Variants in KRTAP4-2 observed in about 807,000 individuals in gnomAD.
KRTAP4-2 encodes keratin-associated protein 4-2.
For synonymous variants in KRTAP4-2, 56 were observed against 63.5 expected (o/e 0.88, Z 0.56); for missense variants, 178 against 177.3 (o/e 1.00, Z -0.02).
rs1307746080 is a variant in KRTAP4-2 at position 41,177,624 on chromosome 17, T to A, written c.*130A>T. ...GCAACATAGTGTTTGGTGAGCATATTTGGAGGCCAAACTCAATCCAAGAAT... is the reference window on the plus strand; with the variant it reads ...GCAACATAGTGTTTGGTGAGCATATATGGAGGCCAAACTCAATCCAAGAAT... On this transcript the variant is annotated 3_prime_UTR_variant, in exon 1 of 1. Transcript: ENST00000377726. The A allele has an allele frequency of 3.6e-5, 51 of 1,426,890 alleles. No individual in the cohort carries two copies. The highest frequency in any genetic ancestry group is 4.5e-5 in the Non-Finnish European group (47 of 1,048,322). The allele number at this position is 1,426,890 out of a possible 1,614,324, so 88.4% of individuals were successfully genotyped here. A position where few individuals can be genotyped will look rare whatever the true frequency, so the allele number is the denominator to read the frequency against.
rs1350515689 is a variant in KRTAP4-2 at position 41,177,873 on chromosome 17, GCTGGCAGTACACAGA to G, written c.277_291del (p.Ser93_Gln97del). 6.3e-7 allele frequency: 1 copy of G among 1,575,870 alleles called. No homozygotes were observed. Among genetic ancestry groups the G allele is most frequent in the Non-Finnish European group, 8.6e-7 (1 of 1,159,418 alleles). On this transcript the variant is annotated inframe_deletion, in exon 1 of 1. Coordinates refer to ENST00000377726, the MANE Select transcript of KRTAP4-2 (RefSeq NM_033062.4). ...CCACAGCTGGGGCGGCAGCAGGTGGGCTGGCAGTACACAGACTGGCAGCACTGGGGTCTGAAGCAG... is the reference window on the plus strand; with the variant it reads ...CCACAGCTGGGGCGGCAGCAGGTGGGCTGGCAGCACTGGGGTCTGAAGCAG...
Position 41,177,499 on chromosome 17 carries a change from T to G in KRTAP4-2, c.*255A>C, listed in dbSNP as rs927202155. 4 of 584,348 alleles carry G rather than the reference T, an allele frequency of 6.8e-6. No individual in the cohort carries two copies. Among genetic ancestry groups the G allele is most frequent in the Non-Finnish European group, 8.8e-6 (3 of 340,542 alleles). The allele number at this position is 584,348 out of a possible 1,614,324, so 36.2% of individuals were successfully genotyped here. A position where few individuals can be genotyped will look rare whatever the true frequency, so the allele number is the denominator to read the frequency against. ...TATTTAAGATAGAGGAATAGCTCCA[T>G]GTGATAAATTATGGTAGAGAGCAAA... is the stretch of plus-strand genomic sequence containing the variant. On this transcript the variant is annotated 3_prime_UTR_variant, in exon 1 of 1. Transcript: ENST00000377726.
In KRTAP4-2 at chr17:41,177,626, G is replaced by T; in HGVS notation, c.*128C>A. 2 of 1,432,558 alleles carry T rather than the reference G, an allele frequency of 1.4e-6. No individual in the cohort carries two copies. The highest frequency in any genetic ancestry group is 1.9e-6 in the Non-Finnish European group (2 of 1,053,280). 88.7% of individuals were successfully genotyped at this position (1,432,558 alleles called of 1,614,324 possible). A position where few individuals can be genotyped will look rare whatever the true frequency, so the allele number is the denominator to read the frequency against. On this transcript the variant is annotated 3_prime_UTR_variant, in exon 1 of 1. Coordinates refer to ENST00000377726, the MANE Select transcript of KRTAP4-2 (RefSeq NM_033062.4). ...AACATAGTGTTTGGTGAGCATATTT[G>T]GAGGCCAAACTCAATCCAAGAATTG... is the stretch of plus-strand genomic sequence containing the variant.
chr17:41,177,640 A>C lies in KRTAP4-2; in HGVS notation c.*114T>G. 6.6e-7 allele frequency: 1 copy of C among 1,504,500 alleles called. No individual in the cohort carries two copies. Among genetic ancestry groups the C allele is most frequent in the Non-Finnish European group, 9.0e-7 (1 of 1,113,960 alleles). The allele number at this position is 1,504,500 out of a possible 1,614,324, so 93.2% of individuals were successfully genotyped here. On this transcript the variant is annotated 3_prime_UTR_variant, in exon 1 of 1. Coordinates refer to ENST00000377726, the MANE Select transcript of KRTAP4-2 (RefSeq NM_033062.4). ...TGAGCATATTTGGAGGCCAAACTCAATCCAAGAATTGGTTGGAACTGAGGT... is the reference window on the plus strand; with the variant it reads ...TGAGCATATTTGGAGGCCAAACTCACTCCAAGAATTGGTTGGAACTGAGGT...
chr17:41,178,023 G>A lies in KRTAP4-2; in HGVS notation c.142C>T (p.Pro48Ser). 2 of 1,605,980 alleles carry A rather than the reference G, an allele frequency of 1.2e-6. No individual in the cohort carries two copies. Among genetic ancestry groups the A allele is most frequent in the Non-Finnish European group, 1.7e-6 (2 of 1,174,018 alleles). The change falls in exon 1 of 1, where the codon CCG (proline) becomes TCG (serine). Residue 48 changes from proline to serine, a missense_variant. By Grantham distance (74) the Pro-to-Ser change is moderately conservative (BLOSUM62 -1). Coordinates refer to ENST00000377726, the MANE Select transcript of KRTAP4-2 (RefSeq NM_033062.4). ...CAGCACACAGACTGGCAGCACTGCG[G>A]TCTGCAGCAGCTGGACACACAGCAG... ...PSCCVSSCCR[P>S]QCCQSVCCQP...
In KRTAP4-2 at chr17:41,177,530, C is replaced by T; in HGVS notation, c.*224G>A. Reference sequence around the variant, plus strand: ...AAATTATGGTAGAGAGCAAATATTTCAATTCAGGGAACATGGGGTTGACAT... The same window carrying T: ...AAATTATGGTAGAGAGCAAATATTTTAATTCAGGGAACATGGGGTTGACAT... On this transcript the variant is annotated 3_prime_UTR_variant, in exon 1 of 1. Transcript: ENST00000377726. The T allele has an allele frequency of 3.0e-6, 2 of 670,868 alleles. No individual in the cohort carries two copies. The highest frequency in any genetic ancestry group is 4.9e-6 in the Non-Finnish European group (2 of 407,054). 41.6% of individuals were successfully genotyped at this position (670,868 alleles called of 1,614,324 possible).
Position 41,177,563 on chromosome 17 carries a change from A to T in KRTAP4-2, c.*191T>A. ...GGAACATGGGGTTGACATATTTCAGAGAAAATTCAAACTTGTATTCATTTG... is the reference window on the plus strand; with the variant it reads ...GGAACATGGGGTTGACATATTTCAGTGAAAATTCAAACTTGTATTCATTTG... On this transcript the variant is annotated 3_prime_UTR_variant, in exon 1 of 1. Coordinates refer to ENST00000377726, the MANE Select transcript of KRTAP4-2 (RefSeq NM_033062.4). 1.1e-6 allele frequency: 1 copy of T among 874,460 alleles called. No individual in the cohort carries two copies. The highest frequency in any genetic ancestry group is 1.7e-6 in the Non-Finnish European group (1 of 576,964). 54.2% of individuals were successfully genotyped at this position (874,460 alleles called of 1,614,324 possible).
Position 41,178,141 on chromosome 17 carries a change from A to G in KRTAP4-2, c.24T>C (p.Ser8=). ...GGCCACAGCCCTGGTCAGAGCACAC[A>G]GAGCCACAACAGGAGTTGACCATGG... MVNSCCG[S]VCSDQGCGLE... is the part of the protein sequence containing the mutation. The change falls in exon 1 of 1, where the codon TCT becomes TCC. Residue 8 remains serine (S), a synonymous_variant. Transcript: ENST00000377726. 6.2e-7 allele frequency: 1 copy of G among 1,613,362 alleles called. No homozygotes were observed. The highest frequency in any genetic ancestry group is 8.5e-7 in the Non-Finnish European group (1 of 1,179,478).
chr17:41,177,629 G>C lies in KRTAP4-2; in HGVS notation c.*125C>G. The C allele has an allele frequency of 1.4e-6, 2 of 1,462,520 alleles. 1 individual carries two copies. The highest frequency in any genetic ancestry group is 2.6e-5 in the South Asian group (2 of 75,652). 90.6% of individuals were successfully genotyped at this position (1,462,520 alleles called of 1,614,324 possible). A position where few individuals can be genotyped will look rare whatever the true frequency, so the allele number is the denominator to read the frequency against. ...ATAGTGTTTGGTGAGCATATTTGGA[G>C]GCCAAACTCAATCCAAGAATTGGTT... is the stretch of plus-strand genomic sequence containing the variant. On this transcript the variant is annotated 3_prime_UTR_variant, in exon 1 of 1. Transcript: ENST00000377726.
Position 41,178,182 on chromosome 17 carries a change from G to A in KRTAP4-2, c.-18C>T, listed in dbSNP as rs749716001. ...TTGACCATGGTGTCAGAGGGTGGAG[G>A]TTCTGGGTGGATTTCCAGGAAGGTG... is the stretch of plus-strand genomic sequence containing the variant. On this transcript the variant is annotated 5_prime_UTR_variant, in exon 1 of 1. Coordinates refer to ENST00000377726, the MANE Select transcript of KRTAP4-2 (RefSeq NM_033062.4). The A allele has an allele frequency of 1.9e-6, 3 of 1,598,252 alleles. No homozygotes were observed. Among genetic ancestry groups the A allele is most frequent in the African/African-American group, 1.3e-5 (1 of 74,664 alleles).
Position 41,177,783 on chromosome 17 carries a change from G to T in KRTAP4-2, c.382C>A (p.Pro128Thr), listed in dbSNP as rs754458779. ...CAGCAAGAGCCACTAGAGCAGGTTG[G>T]GCGGCAGCAGGTGGACACACAGCAG... ...PSCCVSTCCR[P>T]TCSSGSCC is the part of the protein sequence containing the mutation. The change falls in exon 1 of 1, where the codon CCA (proline) becomes ACA (threonine). Residue 128 changes from proline to threonine, a missense_variant. Pro to Thr is a conservative substitution (Grantham distance 38). Coordinates refer to ENST00000377726, the MANE Select transcript of KRTAP4-2 (RefSeq NM_033062.4). The T allele has an allele frequency of 5.0e-6, 8 of 1,613,980 alleles. No individual in the cohort carries two copies. The highest frequency in any genetic ancestry group is 6.8e-6 in the Non-Finnish European group (8 of 1,179,960).
At position 41,177,589 on chromosome 17, in the gene KRTAP4-2, G is replaced by A. The variant is rs2015162774; in HGVS notation, c.*165C>T. On this transcript the variant is annotated 3_prime_UTR_variant, in exon 1 of 1. Coordinates refer to ENST00000377726, the MANE Select transcript of KRTAP4-2 (RefSeq NM_033062.4). Reference sequence around the variant, plus strand: ...GAAAATTCAAACTTGTATTCATTTGGTAGAGGGTAGCAACATAGTGTTTGG... The same window carrying A: ...GAAAATTCAAACTTGTATTCATTTGATAGAGGGTAGCAACATAGTGTTTGG... 2 of 1,086,064 alleles carry A rather than the reference G, an allele frequency of 1.8e-6. No individual in the cohort carries two copies. Among genetic ancestry groups the A allele is most frequent in the South Asian group, 3.2e-5 (2 of 62,798 alleles). 67.3% of individuals were successfully genotyped at this position (1,086,064 alleles called of 1,614,324 possible).
At position 41,177,971 on chromosome 17, in the gene KRTAP4-2, C is replaced by T. The variant is rs1249862037; in HGVS notation, c.194G>A (p.Cys65Tyr). The T allele has an allele frequency of 1.2e-6, 2 of 1,605,284 alleles. No homozygotes were observed. The highest frequency in any genetic ancestry group is 1.7e-6 in the Non-Finnish European group (2 of 1,173,776). The change falls in exon 1 of 1, where the codon TGC becomes TAC. Residue 65 changes from cysteine (C) to tyrosine (Y), a missense_variant. Coordinates refer to ENST00000377726, the MANE Select transcript of KRTAP4-2 (RefSeq NM_033062.4). ...GGTCCTGCAGCAAGTGGTCTGGCAG[C>T]AGCTGGGGCTGCAGCAGGTGGGCTG... ...CCQPTCCSPS[C>Y]CQTTCCRTTC...
rs1384393037 is a variant in KRTAP4-2, at chr17:41,177,826, G to A, written c.339C>T (p.Thr113=). 1 of 1,610,846 alleles carries A rather than the reference G, an allele frequency of 6.2e-7. No homozygotes were observed. Among genetic ancestry groups the A allele is most frequent in the Non-Finnish European group, 8.5e-7 (1 of 1,179,184 alleles). ...PSCGQTTCCR[T]TCYRPSCCVS... Reference sequence around the variant, plus strand: ...CACAGCAGCTGGGGCGGTAGCAGGTGGTCCTGCAGCAGGTGGTCTGGCCAC... The same window carrying A: ...CACAGCAGCTGGGGCGGTAGCAGGTAGTCCTGCAGCAGGTGGTCTGGCCAC... Residue 113 remains threonine, a synonymous_variant, in exon 1 of 1, where the codon ACC becomes ACT. Transcript: ENST00000377726.
chr17:41,177,531 A>C lies in KRTAP4-2; in HGVS notation c.*223T>G, dbSNP rs2015162452. The C allele has an allele frequency of 1.5e-6, 1 of 672,426 alleles. No homozygotes were observed. The highest frequency in any genetic ancestry group is 2.2e-5 in the South Asian group (1 of 44,770). The allele number at this position is 672,426 out of a possible 1,614,324, so 41.7% of individuals were successfully genotyped here. A position where few individuals can be genotyped will look rare whatever the true frequency, so the allele number is the denominator to read the frequency against. ...AATTATGGTAGAGAGCAAATATTTC[A>C]ATTCAGGGAACATGGGGTTGACATA... On this transcript the variant is annotated 3_prime_UTR_variant, in exon 1 of 1. Coordinates refer to ENST00000377726, the MANE Select transcript of KRTAP4-2 (RefSeq NM_033062.4).
In KRTAP4-2 at chr17:41,178,192, G is replaced by T; in HGVS notation, c.-28C>A. On this transcript the variant is annotated 5_prime_UTR_variant, in exon 1 of 1. Coordinates refer to ENST00000377726, the MANE Select transcript of KRTAP4-2 (RefSeq NM_033062.4). ...TGTCAGAGGGTGGAGGTTCTGGGTG[G>T]ATTTCCAGGAAGGTGGGTTTGGAAG... 4 of 1,593,526 alleles carry T rather than the reference G, an allele frequency of 2.5e-6. No individual in the cohort carries two copies. Among genetic ancestry groups the T allele is most frequent in the Non-Finnish European group, 3.4e-6 (4 of 1,167,788 alleles).
rs769189730 is a variant in KRTAP4-2 at position 41,178,102 on chromosome 17, G to A, written c.63C>T (p.Cys21=). 4 of 1,614,194 alleles carry A rather than the reference G, an allele frequency of 2.5e-6. No homozygotes were observed. Among genetic ancestry groups the A allele is most frequent in the Admixed American group, 1.7e-5 (1 of 60,022 alleles). The part of the protein sequence containing the change: ...SDQGCGLENC[C]RPSCCQTTCC... ...AGGTGGTCTGGCAGCAGCTGGGACG[G>A]CAGCAGTTCTCTAGGCCACAGCCCT... The change falls in exon 1 of 1, where the codon TGC becomes TGT. Residue 21 remains cysteine, a synonymous_variant. Coordinates refer to ENST00000377726, the MANE Select transcript of KRTAP4-2 (RefSeq NM_033062.4).
Position 41,177,671 on chromosome 17 carries a change from A to G in KRTAP4-2, c.*83T>C. 1 of 1,553,770 alleles carries G rather than the reference A, an allele frequency of 6.4e-7. No homozygotes were observed. The highest frequency in any genetic ancestry group is 8.7e-7 in the Non-Finnish European group (1 of 1,147,580). ...GAATTGGTTGGAACTGAGGTTGTCC[A>G]ATTGGCCTTGCATGATTCAGTTCAC... is the stretch of plus-strand genomic sequence containing the variant. On this transcript the variant is annotated 3_prime_UTR_variant, in exon 1 of 1. Coordinates refer to ENST00000377726, the MANE Select transcript of KRTAP4-2 (RefSeq NM_033062.4).
chr17:41,177,995 T>C lies in KRTAP4-2; in HGVS notation c.170A>G (p.Gln57Arg). The part of the protein sequence containing the change: ...RPQCCQSVCC[Q>R]PTCCSPSCCQ... ...GCAGCTGGGGCTGCAGCAGGTGGGC[T>C]GGCAGCACACAGACTGGCAGCACTG... The change falls in exon 1 of 1, where the codon CAG becomes CGG. Residue 57 changes from glutamine to arginine, a missense_variant. Physicochemically the swap from Gln to Arg is conservative, Grantham distance 43 (BLOSUM62 1). Transcript: ENST00000377726. The C allele has an allele frequency of 6.2e-7, 1 of 1,600,528 alleles. No individual in the cohort carries two copies. The highest frequency in any genetic ancestry group is 8.5e-7 in the Non-Finnish European group (1 of 1,172,798).
Sources: gnomAD v4.1 joint callset for allele counts on GRCh38, gnomAD v4.1.1 for gene constraint, MANE v1.5 for transcripts, NCBI Gene and HGNC (gene_info 2026-07-23, HGNC 2026-07-21) for gene names.